RANBP10: variants seen among roughly 807,000 people sequenced by gnomAD.
RANBP10 encodes the protein RAN binding protein 10.
Under a neutral mutation model 72.8 loss-of-function variants are expected in RANBP10, and 24 were observed. That is an observed-to-expected ratio of 0.33 (90% CI 0.24 to 0.46). The LOEUF is 0.46. Among genes scored for constraint, RANBP10 ranks in the 20% least tolerant of loss-of-function variants. The pLI, the probability that RANBP10 is intolerant of heterozygous loss-of-function variation, is 1.00. For synonymous variants in RANBP10, 310 were observed against 322.3 expected (o/e 0.96, Z 0.41); for missense variants, 679 against 817.5 (o/e 0.83, Z 2.07).
At chr16:67,739,890 A>G (rs2053932591) in intron 4 of RANBP10, 1 of 152,200 alleles carries the variant, frequency 6.6e-6, no homozygotes, top group African/African-American at 2.4e-5. Flanking sequence ...CCACAACTAT[A>G]TAAGCAGGCT....
intron 2 of RANBP10, among the ~76,000 whole-genome samples, chr16:67,772,830 G>A (rs1274329267): frequency 6.6e-6 from 1 of 152,180 alleles, no homozygotes; most frequent in African/African-American, 2.4e-5. Context: ...AAATGTGGGT[G>A]TCAGCTTCCT....
chr16:67,772,705 G>A (rs1323411365), intron 2 of RANBP10, among the ~76,000 whole-genome samples: 2 of 152,180 alleles, frequency 1.3e-5, no homozygotes. Context: ...TCTTTGAAGA[G>A]TGGGGCTTAT....
rs1466617648 is a variant in RANBP10, at chr16:67,734,955, C to T, written c.679G>A (p.Glu227Lys). Reference protein sequence around the residue: ...FGQQPFLFDIEDYMREWRAKV... With the variant: ...FGQQPFLFDIKDYMREWRAKV... ...GCACGCCACTCCCGCATGTAGTCCT[C>T]AATGTCAAACAGGAAGGGCTGCTGC... is the stretch of plus-strand genomic sequence containing the variant. The change falls in exon 6 of 14, where the codon GAG becomes AAG. Residue 227 changes from glutamate (E) to lysine (K), a missense_variant. By Grantham distance (56) the Glu-to-Lys change is moderately conservative (BLOSUM62 1). Coordinates refer to ENST00000317506, the MANE Select transcript of RANBP10 (RefSeq NM_020850.3). 1.9e-6 allele frequency: 3 copies of T among 1,614,164 alleles called. No homozygotes were observed. Among genetic ancestry groups the T allele is most frequent in the Non-Finnish European group, 2.5e-6 (3 of 1,179,998 alleles).
At chr16:67,775,389 C>T (rs1391833857) in intron 2 of RANBP10, among the ~76,000 whole-genome samples, 3 of 152,104 alleles carry the variant, frequency 2.0e-5, no homozygotes, top group Non-Finnish European at 4.4e-5. Flanking sequence ...TCTAAGATGC[C>T]TGCTTTCACC....
chr16:67,794,523 CTT>C (rs536994946), intron 2 of RANBP10, among the ~76,000 whole-genome samples: 21 of 130,928 alleles, frequency 1.6e-4, no homozygotes, highest in Admixed American at 1.6e-4. Flanking sequence ...CCAACATATT[CTT>C]TTTTTTTTTT....
chr16:67,746,927 A>G (rs1439971060), intron 3 of RANBP10, among the ~76,000 whole-genome samples: 2 of 152,304 alleles, frequency 1.3e-5, no homozygotes, highest in East Asian at 3.9e-4. Flanking sequence ...CTATCTGTTC[A>G]TACACCAGTT....
chr16:67,781,692 G>A (rs2054814116), intron 2 of RANBP10, among the ~76,000 whole-genome samples: 1 of 152,196 alleles, frequency 6.6e-6, no homozygotes, highest in South Asian at 2.1e-4. Context: ...GAGTAGGCCT[G>A]TAACTTCTCA....
At chr16:67,795,157 G>A (rs1485618369) in intron 2 of RANBP10, among the ~76,000 whole-genome samples, 2 of 152,002 alleles carry the variant, frequency 1.3e-5, no homozygotes, top group Admixed American at 1.3e-4. Context: ...GGCTGAGGTG[G>A]GAGAATCTCT....
intron 2 of RANBP10, among the ~76,000 whole-genome samples, chr16:67,794,890 A>T (rs934292076): frequency 2.1e-5 from 3 of 145,574 alleles, no homozygotes; most frequent in African/African-American, 5.2e-5. Context: ...TTGCCACTGC[A>T]CTCCAGCCTA....
intron 4 of RANBP10, among the ~76,000 whole-genome samples, chr16:67,741,375 A>G (rs562278488): frequency 2.2e-4 from 34 of 152,238 alleles, no homozygotes; most frequent in Admixed American, 1.5e-3. Context: ...GGACAAGGGC[A>G]ACACTGCTCC....
chr16:67,787,838 A>G (rs997450862), intron 2 of RANBP10, among the ~76,000 whole-genome samples: 10 of 150,034 alleles, frequency 6.7e-5, no homozygotes, highest in African/African-American at 1.5e-4. Context: ...CTGTCTCTAG[A>G]AAAAAAAAAA....
chr16:67,805,539 C>G lies in RANBP10; in HGVS notation c.236G>C (p.Gly79Ala), dbSNP rs2055365854. ...SQGNLRVHYK[G>A]HGKNHKDAAS... Reference sequence around the variant, plus strand: ...CGCATCTTTGTGATTTTTGCCATGACCTAACAGGAGAGGGCAAGTAAGAAA... The same window carrying G: ...CGCATCTTTGTGATTTTTGCCATGAGCTAACAGGAGAGGGCAAGTAAGAAA... The change falls in exon 2 of 14, where the codon GGT becomes GCT. Residue 79 changes from glycine (G) to alanine (A), a missense_variant and splice_region_variant. Gly to Ala is a moderately conservative substitution (Grantham distance 60, BLOSUM62 0). Coordinates refer to ENST00000317506, the MANE Select transcript of RANBP10 (RefSeq NM_020850.3). 6.2e-7 allele frequency: 1 copy of G among 1,613,370 alleles called. No homozygotes were observed. Among genetic ancestry groups the G allele is most frequent in the Non-Finnish European group, 8.5e-7 (1 of 1,179,680 alleles).
At chr16:67,784,351 A>G (rs56377113) in intron 2 of RANBP10, among the ~76,000 whole-genome samples, 38,087 of 151,752 alleles carry the variant, frequency 0.25, 6,428 homozygotes, top group African/African-American at 0.48. Context: ...GTGAAACCCT[A>G]TCTCTACTAA....
intron 6 of RANBP10, among the ~76,000 whole-genome samples, chr16:67,733,650 C>T (rs75843134): frequency 0.03 from 4,538 of 152,242 alleles, 100 homozygotes; most frequent in Middle Eastern, 0.16. Context: ...CACATACAAG[C>T]ACATGGATAC....
intron 2 of RANBP10, among the ~76,000 whole-genome samples, chr16:67,784,512 C>T (rs551441217): frequency 1.1e-4 from 17 of 152,232 alleles, no homozygotes; most frequent in Admixed American, 1.0e-3. Flanking sequence ...CAAAATTAGC[C>T]GGGCGTGGTG....
chr16:67,776,338 T>C (rs1473906165), intron 2 of RANBP10, among the ~76,000 whole-genome samples: 1 of 150,966 alleles, frequency 6.6e-6, no homozygotes, highest in Non-Finnish European at 1.5e-5. Flanking sequence ...GGAACATGGC[T>C]GTAAACCCAG....
chr16:67,794,203 C>A (rs1360413412), intron 2 of RANBP10, among the ~76,000 whole-genome samples: 1 of 152,014 alleles, frequency 6.6e-6, no homozygotes. Flanking sequence ...TTTGAGGGGC[C>A]GAGGCGGGCA....
intron 2 of RANBP10, among the ~76,000 whole-genome samples, chr16:67,795,068 G>A (rs971036752): frequency 3.3e-5 from 5 of 151,512 alleles, no homozygotes; most frequent in Admixed American, 6.6e-5. Context: ...TGGGCAAGTG[G>A]TGAAATTCCA....
chr16:67,744,506 A>G, intron 3 of RANBP10, 51 bp from the exon 4 acceptor site: 1 of 1,536,010 alleles, frequency 6.5e-7, no homozygotes, highest in East Asian at 2.4e-5. Context: ...AGGGAGGAAC[A>G]AGACAAGTCA....
Sources: gnomAD v4.1 joint callset for allele counts (sites outside exome capture counted in the v4.1 genomes callset) on GRCh38, gnomAD v4.1.1 for gene constraint, MANE v1.5 for transcripts, NCBI Gene and HGNC (gene_info 2026-07-23, HGNC 2026-07-21) for gene names.